UIMC1: variants seen among roughly 807,000 people sequenced by gnomAD.
UIMC1 encodes BRCA1-A complex subunit RAP80.
A neutral mutation model predicts 84.9 loss-of-function variants in UIMC1; 42 were observed. That is an observed-to-expected ratio of 0.49 (90% confidence interval 0.39 to 0.64). UIMC1 has a LOEUF of 0.64. Ranked by LOEUF, UIMC1 falls within the 30% of genes least tolerant of loss-of-function variation. The pLI is 0.00. For synonymous variants in UIMC1, 281 were observed against 293.0 expected (o/e 0.96, Z 0.42); for missense variants, 825 against 847.6 (o/e 0.97, Z 0.33).
intron 10 of UIMC1, among the ~76,000 whole-genome samples, chr5:176,918,881 G>A (rs1275370160): frequency 6.6e-6 from 1 of 152,122 alleles, no homozygotes; most frequent in Non-Finnish European, 1.5e-5. Context: ...TGCTGAATGT[G>A]ACAGGAACAA....
At chr5:176,941,472 A>C (rs2149440031) in intron 10 of UIMC1, among the ~76,000 whole-genome samples, 1 of 152,352 alleles carries the variant, frequency 6.6e-6, no homozygotes, top group East Asian at 1.9e-4. Flanking sequence ...AAAATCAACA[A>C]ATTTATTAAA....
intron 1 of UIMC1, among the ~76,000 whole-genome samples, chr5:177,015,296 T>C (rs1027339401): frequency 6.6e-6 from 1 of 152,192 alleles, no homozygotes; most frequent in Non-Finnish European, 1.5e-5. Flanking sequence ...AACTCATGCA[T>C]GCAGAATGGA....
At chr5:176,927,836 G>A (rs1178854598) in intron 10 of UIMC1, among the ~76,000 whole-genome samples, 3 of 151,310 alleles carry the variant, frequency 2.0e-5, no homozygotes, top group African/African-American at 7.3e-5. Context: ...GGCAAACCAT[G>A]GGATGGCCAG....
intron 1 of UIMC1, among the ~76,000 whole-genome samples, chr5:177,000,316 C>T (rs1241862494): frequency 6.6e-6 from 1 of 151,992 alleles, no homozygotes; most frequent in African/African-American, 2.4e-5. Flanking sequence ...AGTTTACATT[C>T]CCACCAACAG....
intron 1 of UIMC1, among the ~76,000 whole-genome samples, chr5:177,021,332 G>A (rs1242285781): frequency 6.6e-6 from 1 of 152,168 alleles, no homozygotes; most frequent in Non-Finnish European, 1.5e-5. Flanking sequence ...CTGCCTTCCT[G>A]GGGCTTGCCT....
intron 1 of UIMC1, among the ~76,000 whole-genome samples, chr5:176,989,310 G>A (rs998015363): frequency 1.3e-5 from 2 of 151,988 alleles, no homozygotes; most frequent in African/African-American, 2.4e-5. Flanking sequence ...ACACACAAAC[G>A]TCCTTTTCTG....
At chr5:177,007,017 A>G (rs1775368510), upstream of UIMC1, among the ~76,000 whole-genome samples, 1 of 152,172 alleles carries the variant, frequency 6.6e-6, no homozygotes, top group African/African-American at 2.4e-5. Flanking sequence ...TAAAATGTCC[A>G]TTTTATGACC....
At chr5:176,953,181 C>T (rs1254986489) in intron 8 of UIMC1, among the ~76,000 whole-genome samples, 1 of 152,106 alleles carries the variant, frequency 6.6e-6, no homozygotes, top group Admixed American at 6.6e-5. Context: ...ACTCTCCAGC[C>T]CCCAAAACTG....
At chr5:176,986,312 A>T (rs1771976064) in intron 1 of UIMC1, among the ~76,000 whole-genome samples, 1 of 127,286 alleles carries the variant, frequency 7.9e-6, no homozygotes, top group Admixed American at 9.6e-5. Flanking sequence ...GTGAGCTGAG[A>T]TTGTGCCACT....
intron 10 of UIMC1, among the ~76,000 whole-genome samples, chr5:176,941,625 G>C (rs1471296089): frequency 2.0e-5 from 3 of 152,008 alleles, no homozygotes; most frequent in East Asian, 3.9e-4. Flanking sequence ...ATACACCTAA[G>C]TTACAGGAAT....
chr5:176,935,028 C>T (rs1462724481), intron 10 of UIMC1, among the ~76,000 whole-genome samples: 1 of 152,154 alleles, frequency 6.6e-6, no homozygotes, highest in Non-Finnish European at 1.5e-5. Context: ...AATCATATTT[C>T]CAACACCTGC....
chr5:176,975,535 C>T (rs1561861746), intron 2 of UIMC1, 55 bp from the exon 3 acceptor site: 1 of 1,573,986 alleles, frequency 6.4e-7, no homozygotes, highest in East Asian at 2.2e-5. Flanking sequence ...GTAGTGATTT[C>T]TCTCTCTTCT....
chr5:176,939,564 G>A (rs1480124280), intron 10 of UIMC1, among the ~76,000 whole-genome samples: 2 of 152,166 alleles, frequency 1.3e-5, no homozygotes, highest in African/African-American at 4.8e-5. Context: ...GTTCGGTACA[G>A]TAACACACTG....
chr5:176,905,745 G>A (rs1291377916), intron 14 of UIMC1: 1 of 627,372 alleles, frequency 1.6e-6, no homozygotes, highest in Non-Finnish European at 2.7e-6. Context: ...ATCCAGGTCA[G>A]AAAACCAGGG....
intron 2 of UIMC1, among the ~76,000 whole-genome samples, chr5:176,978,165 A>AGG (rs1457507080): frequency 6.6e-6 from 1 of 151,888 alleles, no homozygotes; most frequent in African/African-American, 2.4e-5. Flanking sequence ...AGGTCAGGAG[A>AGG]TCGAGACCAT....
At chr5:176,990,553 TA>T (rs1413006464) in intron 1 of UIMC1, among the ~76,000 whole-genome samples, 1 of 152,118 alleles carries the variant, frequency 6.6e-6, no homozygotes, top group Admixed American at 6.5e-5. Flanking sequence ...TAAAATAAAT[TA>T]ATTTTATATT....
rs557312070 is a variant in UIMC1 at position 176,978,300 on chromosome 5, G to A, written c.148-2820C>T. On this transcript the variant is annotated intron_variant, in intron 2 of 14. Coordinates refer to ENST00000511320, the MANE Select transcript of UIMC1 (RefSeq NM_001199298.2). Reference sequence around the variant, plus strand: ...AGGCAGGAGAATGGTGTAAACCCAGGAGGCGGAGCTTGCAGTGAGCAGAGA... The same window carrying A: ...AGGCAGGAGAATGGTGTAAACCCAGAAGGCGGAGCTTGCAGTGAGCAGAGA... Among the ~76,000 whole-genome samples, 1,382 of 152,188 alleles carry A rather than the reference G, an allele frequency of 9.1e-3. 7 individuals are homozygous for A. The highest frequency in any genetic ancestry group is 0.025 in the South Asian group (119 of 4,804).
chr5:176,910,878 G>C (rs950545280), intron 11 of UIMC1, among the ~76,000 whole-genome samples: 4 of 152,076 alleles, frequency 2.6e-5, no homozygotes, highest in African/African-American at 9.7e-5. Flanking sequence ...ATCACCTGAG[G>C]TCAGGAGTTC....
chr5:176,945,280 T>A (rs1330250486), intron 9 of UIMC1, among the ~76,000 whole-genome samples: 2 of 152,210 alleles, frequency 1.3e-5, no homozygotes, highest in East Asian at 3.8e-4. Flanking sequence ...GTTCCTCTGT[T>A]CATAAATCTT....
Sources: gnomAD v4.1 joint callset for allele counts (sites outside exome capture counted in the v4.1 genomes callset) on GRCh38, gnomAD v4.1.1 for gene constraint, MANE v1.5 for transcripts, NCBI Gene and HGNC (gene_info 2026-07-23, HGNC 2026-07-21) for gene names.